Variants in POR observed in about 807,000 individuals in gnomAD.
POR encodes the protein cytochrome p450 oxidoreductase, also known as NADPH--cytochrome P450 reductase.
A neutral mutation model predicts 84.0 loss-of-function variants in POR; 56 were observed. The ratio of observed to expected loss-of-function variants is 0.67; its 90% CI spans 0.54 to 0.83. The LOEUF (loss-of-function observed/expected upper bound fraction) is 0.83, where lower values mean the gene tolerates loss of function less well. Ranked by LOEUF, POR falls within the 40% of genes least tolerant of loss-of-function variation. The probability of loss-of-function intolerance (pLI) is 0.00; values close to 1 mark genes in which losing one functional copy is unlikely to be tolerated. For missense variants in POR, 938 were observed against 944.3 expected (o/e 0.99, Z 0.09); for synonymous variants, 414 against 400.5 (o/e 1.03, Z -0.40).
chr7:75,938,079 C>T (rs1011247763), intron 1 of POR, among the ~76,000 whole-genome samples: 3 of 152,172 alleles, frequency 2.0e-5, no homozygotes, highest in African/African-American at 7.2e-5. Flanking sequence ...GCCCACTGTT[C>T]GCCTGCTGTC....
At chr7:75,936,086 C>CTTTTTTTTTTTTTTTTT (rs869164954) in intron 1 of POR, among the ~76,000 whole-genome samples, 2 of 99,790 alleles carry the variant, frequency 2.0e-5, no homozygotes, top group Non-Finnish European at 3.9e-5. Flanking sequence ...TTCTTTCTTT[C>CTTTTTTTTTTTTTTTTT]TTTTTTTTTT....
At chr7:75,929,545 C>G (rs141017667) in intron 1 of POR, among the ~76,000 whole-genome samples, 1 of 152,280 alleles carries the variant, frequency 6.6e-6, no homozygotes, top group East Asian at 1.9e-4. Flanking sequence ...TGAGCCACCG[C>G]GCCCGGCCTC....
At chr7:75,941,652 G>C (rs1471771294) in intron 1 of POR, among the ~76,000 whole-genome samples, 1 of 152,076 alleles carries the variant, frequency 6.6e-6, no homozygotes, top group Non-Finnish European at 1.5e-5. Context: ...TATATAATGA[G>C]AGGCAACAAG....
chr7:75,920,170 A>G (rs1362603106), intron 1 of POR, among the ~76,000 whole-genome samples: 4 of 149,056 alleles, frequency 2.7e-5, no homozygotes, highest in Non-Finnish European at 5.9e-5. Flanking sequence ...GGTTCAAGCA[A>G]TTCTTCTGCC....
chr7:75,964,812 G>A (rs1024579418), intron 2 of POR, among the ~76,000 whole-genome samples: 2 of 151,970 alleles, frequency 1.3e-5, no homozygotes, highest in Non-Finnish European at 2.9e-5. Flanking sequence ...ATCACTTGAA[G>A]CCAGGAGGTC....
At chr7:75,942,805 A>G (rs571227543) in intron 1 of POR, among the ~76,000 whole-genome samples, 1 of 152,082 alleles carries the variant, frequency 6.6e-6, no homozygotes, top group East Asian at 1.9e-4. Context: ...CTTTACCGCA[A>G]TATAAGTTTT....
chr7:75,935,932 G>A (rs1374814097), intron 1 of POR, among the ~76,000 whole-genome samples: 1 of 151,472 alleles, frequency 6.6e-6, no homozygotes, highest in Non-Finnish European at 1.5e-5. Context: ...GCTTGGAGGG[G>A]TTGTAAACCT....
intron 14 of POR, 43 bp downstream of exon 14, chr7:75,986,111 A>G: frequency 6.3e-7 from 1 of 1,581,086 alleles, no homozygotes; most frequent in Non-Finnish European, 8.6e-7. Flanking sequence ...TGAGGCTGGC[A>G]GGGCCACAGC....
chr7:75,919,382 C>T lies in POR; in HGVS notation c.-5+4203C>T, dbSNP rs868928171. ...ACACGCCTGTCTGCATCTGTGCGTG[C>T]GTGTGTGTGTGTGTGTGTGTGTGTG... is the stretch of plus-strand genomic sequence containing the variant. On this transcript the variant is annotated intron_variant, in intron 1 of 15. Transcript: ENST00000461988. Among the ~76,000 whole-genome samples, 780 of 146,508 alleles carry T rather than the reference C, an allele frequency of 5.3e-3. 7 individuals are homozygous for T. The highest frequency in any genetic ancestry group is 0.016 in the African/African-American group (647 of 39,736).
chr7:75,984,457 G>C (rs1554558681), intron 10 of POR, among the ~76,000 whole-genome samples: 1 of 152,174 alleles, frequency 6.6e-6, no homozygotes, highest in East Asian at 1.9e-4. Context: ...TCCACAGCCC[G>C]CCTGTAGGGA....
chr7:75,971,556 T>A (rs1173315078), intron 2 of POR, among the ~76,000 whole-genome samples: 2 of 151,948 alleles, frequency 1.3e-5, no homozygotes, highest in Non-Finnish European at 2.9e-5. Context: ...GGACAGAAGA[T>A]TGTGTCACCC....
At position 75,953,148 on chromosome 7, in the gene POR, T is replaced by C. The variant is rs375220118; in HGVS notation, c.-4-841T>C. ...CCCGGCCAACACAGCGAAACCCCGT[T>C]TCCACCAAAAAAATACGAGAACCAG... On this transcript the variant is annotated intron_variant, in intron 1 of 15. Transcript: ENST00000461988. Among the ~76,000 whole-genome samples the C allele has an allele frequency of 9.9e-5, 15 of 151,914 alleles. No individual in the cohort carries two copies. The East Asian group carries it at 1.4e-3, about 14-fold the overall frequency.
In POR at chr7:75,964,393, C is replaced by T. The variant is rs182011542; in HGVS notation, c.189-8020C>T. ...CGCAATCTCGGCTCACTGCCACCTCCGCCTCCCGGCTTCAGGCGATTCTCC... is the reference window on the plus strand; with the variant it reads ...CGCAATCTCGGCTCACTGCCACCTCTGCCTCCCGGCTTCAGGCGATTCTCC... On this transcript the variant is annotated intron_variant, in intron 2 of 15. Coordinates refer to ENST00000461988, the MANE Select transcript of POR (RefSeq NM_000941.3). 1.8e-3 allele frequency among the ~76,000 whole-genome samples: 278 copies of T among 151,760 alleles called. 1 individual carries two copies. The highest frequency in any genetic ancestry group is 0.014 in the Middle Eastern group (4 of 284).
At chr7:75,921,471 A>G (rs1419739941) in intron 1 of POR, among the ~76,000 whole-genome samples, 2 of 152,122 alleles carry the variant, frequency 1.3e-5, no homozygotes, top group Non-Finnish European at 2.9e-5. Context: ...TGTGTTGGCC[A>G]GGCTGGTCTC....
At chr7:75,982,434 C>T (rs72557924) in intron 8 of POR, 112 bp downstream of exon 8, 48 of 902,014 alleles carry the variant, frequency 5.3e-5, no homozygotes, top group African/African-American at 3.8e-4. Flanking sequence ...CACCAGACCC[C>T]GTGCCCCGAG....
At chr7:75,916,789 C>G (rs1391866057) in intron 1 of POR, among the ~76,000 whole-genome samples, 1 of 152,030 alleles carries the variant, frequency 6.6e-6, no homozygotes, top group South Asian at 2.1e-4. Context: ...CAGCATTGAC[C>G]GCAGCCAATG....
chr7:75,976,099 T>C (rs561355129), intron 3 of POR, among the ~76,000 whole-genome samples: 1 of 152,254 alleles, frequency 6.6e-6, no homozygotes, highest in Non-Finnish European at 1.5e-5. Context: ...TTCTGACACA[T>C]CTCTTACAAA....
At position 75,985,213 on chromosome 7, in the gene POR, G is replaced by A; in HGVS notation, c.1398+6G>A. On this transcript the variant is annotated splice_donor_region_variant and intron_variant, in intron 12 of 15. Transcript: ENST00000461988. Reference sequence around the variant, plus strand: ...CCATCGCCTCATCCTCCAAGGTGAGGGCCGGCACTGCCCTGCCAGCCACAC... The same window carrying A: ...CCATCGCCTCATCCTCCAAGGTGAGAGCCGGCACTGCCCTGCCAGCCACAC... 6.9e-6 allele frequency: 11 copies of A among 1,583,006 alleles called. No individual in the cohort carries two copies. Among genetic ancestry groups the A allele is most frequent in the South Asian group, 6.7e-5 (6 of 89,838 alleles).
At chr7:75,944,265 A>G (rs117443688) in intron 1 of POR, among the ~76,000 whole-genome samples, 1,867 of 152,324 alleles carry the variant, frequency 0.012, 13 homozygotes, top group Non-Finnish European at 0.019. Flanking sequence ...AATGGCTTAC[A>G]CCTGTAATCC....
Sources: allele counts gnomAD v4.1 joint callset (sites outside exome capture counted in the v4.1 genomes callset), GRCh38; gene constraint gnomAD v4.1.1; transcripts MANE v1.5; gene names NCBI Gene and HGNC (gene_info 2026-07-23, HGNC 2026-07-21).